Variants in FBXO34 observed in about 807,000 individuals in gnomAD.
The protein encoded by FBXO34 is F-box only protein 34.
In FBXO34, 12 loss-of-function variants were observed where a neutral mutation model predicts 24.5. The ratio of observed to expected loss-of-function variants is 0.49; its 90% confidence interval spans 0.31 to 0.79. The LOEUF is 0.79. Ranked by LOEUF, FBXO34 falls within the 30% of genes least tolerant of loss-of-function variation. The pLI, the probability that FBXO34 is intolerant of heterozygous loss-of-function variation, is 0.04. For synonymous variants in FBXO34, 320 were observed against 311.9 expected (o/e 1.03, Z -0.27); for missense variants, 823 against 857.7 (o/e 0.96, Z 0.51).
intron 1 of FBXO34, among the ~76,000 whole-genome samples, chr14:55,316,316 G>T (rs913453356): frequency 6.6e-6 from 1 of 152,080 alleles, no homozygotes. Flanking sequence ...GCTGGGTGCA[G>T]TGGCTCACAC....
At chr14:55,379,593 A>G in the FBXO34 span, among the ~76,000 whole-genome samples, 8 of 152,040 alleles carry the variant, frequency 5.3e-5, no homozygotes, top group African/African-American at 1.9e-4. Flanking sequence ...AATTAAAAAG[A>G]ATAAGAATTT....
chr14:55,439,971 G>C, the FBXO34 span, among the ~76,000 whole-genome samples: 2 of 143,164 alleles, frequency 1.4e-5, no homozygotes, highest in African/African-American at 5.1e-5. Flanking sequence ...TGTGGTGCGT[G>C]TGCCTGAAAT....
chr14:55,303,200 C>A (rs1012189937), intron 1 of FBXO34, among the ~76,000 whole-genome samples: 2 of 151,556 alleles, frequency 1.3e-5, no homozygotes, highest in African/African-American at 2.4e-5. Flanking sequence ...ATTATAAGAA[C>A]TGTCAGCTGT....
At chr14:55,313,806 TC>T (rs989708873) in intron 1 of FBXO34, among the ~76,000 whole-genome samples, 2 of 152,178 alleles carry the variant, frequency 1.3e-5, no homozygotes, top group African/African-American at 4.8e-5. Context: ...TTCATTTACC[TC>T]CATCTGCTCC....
At chr14:55,421,282 T>A in the FBXO34 span, among the ~76,000 whole-genome samples, 1 of 152,146 alleles carries the variant, frequency 6.6e-6, no homozygotes, top group Non-Finnish European at 1.5e-5. Flanking sequence ...GCCTCTGATA[T>A]CTACACTATT....
At chr14:55,284,509 T>A in intron 1 of FBXO34, among the ~76,000 whole-genome samples, 1 of 115,560 alleles carries the variant, frequency 8.7e-6, no homozygotes, top group African/African-American at 3.3e-5. Flanking sequence ...TGAACCTCTG[T>A]CTCCAAAAAA....
chr14:55,369,579 C>G (rs1884764562), downstream of FBXO34: 1 of 1,453,954 alleles, frequency 6.9e-7, no homozygotes, highest in South Asian at 1.6e-5. Flanking sequence ...GGGAGAAGAA[C>G]TTTCTTGATG....
At chr14:55,293,718 A>T (rs1882024460) in intron 1 of FBXO34, among the ~76,000 whole-genome samples, 1 of 152,180 alleles carries the variant, frequency 6.6e-6, no homozygotes, top group South Asian at 2.1e-4. Flanking sequence ...CTGTGACAGA[A>T]TAGAAAGTAT....
chr14:55,336,418 G>A (rs541772227), intron 1 of FBXO34, among the ~76,000 whole-genome samples: 93 of 152,286 alleles, frequency 6.1e-4, no homozygotes, highest in Admixed American at 1.1e-3. Flanking sequence ...GAGCTGCCTG[G>A]CCCAGGGAAC....
chr14:55,372,540 T>TCCTTCTTTCCCTTTCTCCCTC (rs1884842094), downstream of FBXO34, among the ~76,000 whole-genome samples: 1 of 151,528 alleles, frequency 6.6e-6, no homozygotes, highest in Admixed American at 6.6e-5. Flanking sequence ...ACTCCTCCCT[T>TCCTTCTTTCCCTTTCTCCCTC]CCTTCTTTCC....
At chr14:55,323,608 C>T (rs1302791033) in intron 1 of FBXO34, among the ~76,000 whole-genome samples, 1 of 152,000 alleles carries the variant, frequency 6.6e-6, no homozygotes, top group Non-Finnish European at 1.5e-5. Context: ...GTCTCAATCT[C>T]CTGACGTCAT....
chr14:55,361,146 G>A (rs996619780), intron 3 of FBXO34, among the ~76,000 whole-genome samples: 34 of 152,186 alleles, frequency 2.2e-4, no homozygotes, highest in African/African-American at 7.7e-4. Flanking sequence ...CAGCTGTAGC[G>A]TTACAAAATG....
intron 1 of FBXO34, among the ~76,000 whole-genome samples, chr14:55,306,996 A>G (rs1453250299): frequency 1.3e-5 from 2 of 152,220 alleles, no homozygotes; most frequent in East Asian, 1.9e-4. Flanking sequence ...CCTATTAGCT[A>G]ATTCCGAGAT....
In FBXO34 at chr14:55,308,333, T is replaced by C. The variant is rs550318218; in HGVS notation, c.-11+36796T>C. Among the ~76,000 whole-genome samples the C allele has an allele frequency of 7.9e-5, 12 of 152,350 alleles. No individual in the cohort carries two copies. In the South Asian group the frequency reaches 2.1e-3, roughly 26 times the overall value. ...TCTACTGGATAGTTTTAAAGGTATT[T>C]AATGTATGAAATAAACCAGTATTTG... On this transcript the variant is annotated intron_variant, in intron 1 of 1. Coordinates refer to ENST00000313833, the MANE Select transcript of FBXO34 (RefSeq NM_017943.4).
intron 1 of FBXO34, among the ~76,000 whole-genome samples, chr14:55,322,024 T>C (rs1390142875): frequency 1.3e-5 from 2 of 152,288 alleles, no homozygotes; most frequent in Admixed American, 1.3e-4. Context: ...TGCCAGTTAT[T>C]ATATAAGACA....
the FBXO34 span, chr14:55,436,505 C>T: frequency 1.0e-5 from 15 of 1,440,788 alleles, no homozygotes; most frequent in Admixed American, 1.9e-5. Flanking sequence ...TCATCGCATT[C>T]AGGAATATAA....
At chr14:55,433,919 A>C in the FBXO34 span, among the ~76,000 whole-genome samples, 1 of 152,248 alleles carries the variant, frequency 6.6e-6, no homozygotes, top group African/African-American at 2.4e-5. Flanking sequence ...AAATAATATC[A>C]GTAACTCTTA....
the FBXO34 span, among the ~76,000 whole-genome samples, chr14:55,401,301 T>C: frequency 6.6e-6 from 1 of 152,018 alleles, no homozygotes; most frequent in African/African-American, 2.4e-5. Flanking sequence ...AGCAGGGAAA[T>C]TGGCCATTTT....
the FBXO34 span, chr14:55,440,719 G>A: frequency 1.5e-6 from 1 of 676,478 alleles, no homozygotes; most frequent in Non-Finnish European, 2.4e-6. Flanking sequence ...CGTCTCGCCT[G>A]GGGGCAGTCA....
Sources: allele counts gnomAD v4.1 joint callset (sites outside exome capture counted in the v4.1 genomes callset), GRCh38; gene constraint gnomAD v4.1.1; transcripts MANE v1.5; gene names NCBI Gene and HGNC (gene_info 2026-07-23, HGNC 2026-07-21).